Variants in MAP4K5 observed in about 807,000 individuals in gnomAD.
The protein encoded by MAP4K5 is mitogen-activated protein kinase kinase kinase kinase 5.
MAP4K5 carries 82 observed loss-of-function variants against 135.6 expected under a neutral mutation model. The ratio of observed to expected loss-of-function variants is 0.60; its 90% CI spans 0.51 to 0.73. MAP4K5 has a LOEUF of 0.73. Among genes scored for constraint, MAP4K5 ranks in the 30% least tolerant of loss-of-function variants. The pLI, the probability that MAP4K5 is intolerant of heterozygous loss-of-function variation, is 0.00. For missense variants in MAP4K5, 907 were observed against 1,010.9 expected (o/e 0.90, Z 1.39); for synonymous variants, 347 against 335.0 (o/e 1.04, Z -0.39).
intron 26 of MAP4K5, among the ~76,000 whole-genome samples, chr14:50,437,065 C>A (rs1406073421): frequency 6.6e-6 from 1 of 152,112 alleles, no homozygotes; most frequent in Non-Finnish European, 1.5e-5. Context: ...TGGGAATCCC[C>A]TAACTTGCAA....
At chr14:50,533,273 A>T, upstream of MAP4K5, 1 of 151,910 alleles carries the variant, frequency 6.6e-6, no homozygotes, top group Non-Finnish European at 1.5e-5. Flanking sequence ...GGGGTCACAG[A>T]CTGGTTCTGG....
intron 3 of MAP4K5, 84 bp downstream of exon 3, chr14:50,504,716 T>G: frequency 1.0e-6 from 1 of 1,002,822 alleles, no homozygotes; most frequent in Non-Finnish European, 1.5e-6. Context: ...ATAGAACATA[T>G]AAAGACTTCT....
At position 50,447,099 on chromosome 14, in the gene MAP4K5, T is replaced by C. The variant is rs1319821625; in HGVS notation, c.1142+315A>G. On this transcript the variant is annotated intron_variant, in intron 16 of 32. Coordinates refer to ENST00000682126, the MANE Select transcript of MAP4K5 (RefSeq NM_006575.6). ...CATGAAGGCCAGCCCCCTCACTTAA[T>C]TGTAGAGGTAACTATATTGGAGAGA... 2.6e-5 allele frequency among the ~76,000 whole-genome samples: 4 copies of C among 152,180 alleles called. No homozygotes were observed. The South Asian group carries it at 6.2e-4, about 24-fold the overall frequency.
At chr14:50,486,668 C>T (rs570153745) in intron 3 of MAP4K5, among the ~76,000 whole-genome samples, 14 of 152,258 alleles carry the variant, frequency 9.2e-5, no homozygotes, top group African/African-American at 2.6e-4. Context: ...GGGTGGCTCA[C>T]GCCTGTAATT....
chr14:50,539,725 G>A (rs1399413974), intron 2 of MAP4K5, among the ~76,000 whole-genome samples: 1 of 152,226 alleles, frequency 6.6e-6, no homozygotes, highest in Non-Finnish European at 1.5e-5. Context: ...CTTATACAAT[G>A]AAGAAGTTGT....
chr14:50,552,367 T>C (rs1595573340), intron 1 of MAP4K5, among the ~76,000 whole-genome samples: 1 of 152,122 alleles, frequency 6.6e-6, no homozygotes, highest in Non-Finnish European at 1.5e-5. Flanking sequence ...AAATCATAGA[T>C]GACACAAACA....
At chr14:50,512,867 G>C (rs1348409793) in intron 2 of MAP4K5, among the ~76,000 whole-genome samples, 1 of 151,980 alleles carries the variant, frequency 6.6e-6, no homozygotes. Context: ...AATTCTTTTT[G>C]TTTTTAACTT....
At chr14:50,549,637 C>G (rs1424552998) in intron 1 of MAP4K5, among the ~76,000 whole-genome samples, 1 of 152,168 alleles carries the variant, frequency 6.6e-6, no homozygotes, top group Non-Finnish European at 1.5e-5. Flanking sequence ...ATATGGCATG[C>G]TACGAAGAAT....
intron 1 of MAP4K5, among the ~76,000 whole-genome samples, chr14:50,554,753 A>G (rs542550314): frequency 6.6e-6 from 1 of 152,320 alleles, no homozygotes; most frequent in African/African-American, 2.4e-5. Context: ...CTCTAGAGCT[A>G]TCCTGCTGCT....
intron 5 of MAP4K5, among the ~76,000 whole-genome samples, chr14:50,483,946 C>T (rs1229168185): frequency 2.6e-5 from 4 of 151,860 alleles, no homozygotes; most frequent in South Asian, 4.1e-4. Flanking sequence ...CTGCAACCAC[C>T]GCCTCCTGGG....
At chr14:50,481,015 T>C (rs1056882713) in intron 6 of MAP4K5, among the ~76,000 whole-genome samples, 15 of 151,932 alleles carry the variant, frequency 9.9e-5, no homozygotes, top group African/African-American at 3.6e-4. Context: ...TAGAACTATA[T>C]AAAAGATTAC....
intron 3 of MAP4K5, among the ~76,000 whole-genome samples, chr14:50,495,941 TAG>T (rs1362503260): frequency 6.6e-6 from 1 of 152,212 alleles, no homozygotes; most frequent in Non-Finnish European, 1.5e-5. Context: ...TTAATGAATA[TAG>T]AGTTTTAGTT....
chr14:50,445,015 A>G, intron 18 of MAP4K5, 26 bp downstream of exon 18: 1 of 1,607,350 alleles, frequency 6.2e-7, no homozygotes, highest in Non-Finnish European at 8.5e-7. Context: ...TATGTACCCC[A>G]TGGCTGCTAA....
intron 8 of MAP4K5, 87 bp downstream of exon 8, chr14:50,476,041 G>A: frequency 2.8e-6 from 2 of 717,808 alleles, no homozygotes; most frequent in South Asian, 2.1e-5. Flanking sequence ...TCTGCATAAT[G>A]TTAATTCTCA....
chr14:50,440,156 A>G, intron 22 of MAP4K5, 83 bp from the exon 23 acceptor site: 2 of 999,834 alleles, frequency 2.0e-6, no homozygotes, highest in East Asian at 2.7e-5. Flanking sequence ...TCATATAAAA[A>G]TAACTATTTT....
intron 26 of MAP4K5, among the ~76,000 whole-genome samples, chr14:50,436,937 C>T (rs189454460): frequency 1.2e-4 from 19 of 152,186 alleles, no homozygotes; most frequent in African/African-American, 2.2e-4. Flanking sequence ...CTGTTCTAAA[C>T]GGTAATGATT....
intron 3 of MAP4K5, among the ~76,000 whole-genome samples, chr14:50,487,093 T>G (rs1566673306): frequency 6.6e-6 from 1 of 152,236 alleles, no homozygotes; most frequent in Non-Finnish European, 1.5e-5. Context: ...GTCATGCCAT[T>G]AAAAGCTTTT....
chr14:50,532,331 C>G (rs2038415439), intron 1 of MAP4K5, 117 bp downstream of exon 1: 3 of 351,060 alleles, frequency 8.5e-6, no homozygotes, highest in Middle Eastern at 7.7e-4. Flanking sequence ...GCCCTTCCCC[C>G]TCCCCGGCCG....
At chr14:50,470,146 C>T (rs1044458574) in intron 9 of MAP4K5, among the ~76,000 whole-genome samples, 1 of 152,156 alleles carries the variant, frequency 6.6e-6, no homozygotes, top group African/African-American at 2.4e-5. Flanking sequence ...CCTCTACCCA[C>T]TGGAATCAGC....
Sources: allele counts gnomAD v4.1 joint callset (sites outside exome capture counted in the v4.1 genomes callset), GRCh38; gene constraint gnomAD v4.1.1; transcripts MANE v1.5; gene names NCBI Gene and HGNC (gene_info 2026-07-23, HGNC 2026-07-21).